Variants in NFIB observed in about 807,000 individuals in gnomAD.
The protein encoded by NFIB is nuclear factor I B.
Under a neutral mutation model 61.5 loss-of-function variants are expected in NFIB, and 11 were observed. The ratio of observed to expected loss-of-function variants is 0.18; its 90% CI spans 0.11 to 0.30. NFIB has a LOEUF of 0.30. Ranked by LOEUF, NFIB falls within the 10% of genes least tolerant of loss-of-function variation. The pLI, the probability that NFIB is intolerant of heterozygous loss-of-function variation, is 1.00. For missense variants in NFIB, 471 were observed against 608.9 expected (o/e 0.77, Z 2.38); for synonymous variants, 260 against 216.5 (o/e 1.20, Z -1.76).
chr9:14,192,730 C>T (rs527683471), intron 2 of NFIB, among the ~76,000 whole-genome samples: 1 of 152,250 alleles, frequency 6.6e-6, no homozygotes, highest in Non-Finnish European at 1.5e-5. Flanking sequence ...GCAGCTCCAG[C>T]TCAATTTGTG....
the NFIB span, among the ~76,000 whole-genome samples, chr9:14,522,956 A>C: frequency 6.6e-6 from 1 of 152,176 alleles, no homozygotes; most frequent in African/African-American, 2.4e-5. Context: ...CAAAAATAAT[A>C]ATCCACAATC....
At chr9:14,175,204 C>T (rs1188300802) in intron 3 of NFIB, among the ~76,000 whole-genome samples, 3 of 116,404 alleles carry the variant, frequency 2.6e-5, no homozygotes, top group Non-Finnish European at 1.6e-5. Context: ...GAGTCTCGCT[C>T]TGTTGTCCAG....
At chr9:14,400,940 C>T (rs916233982), upstream of NFIB, among the ~76,000 whole-genome samples, 3 of 152,210 alleles carry the variant, frequency 2.0e-5, no homozygotes, top group Non-Finnish European at 2.9e-5. Context: ...AATCAGCGAC[C>T]ACTCCTCGGG....
intron 2 of NFIB, among the ~76,000 whole-genome samples, chr9:14,220,183 A>G (rs995200685): frequency 2.0e-5 from 3 of 152,226 alleles, no homozygotes; most frequent in African/African-American, 4.8e-5. Context: ...AATTCTCTTC[A>G]TCAAGGATTA....
intron 2 of NFIB, among the ~76,000 whole-genome samples, chr9:14,224,212 G>C (rs2052066644): frequency 6.6e-6 from 1 of 152,182 alleles, no homozygotes; most frequent in African/African-American, 2.4e-5. Flanking sequence ...AGGCTACACA[G>C]AAAATTGTGC....
chr9:14,101,913 A>T (rs1260222115), intron 10 of NFIB, among the ~76,000 whole-genome samples: 4 of 152,186 alleles, frequency 2.6e-5, no homozygotes, highest in Admixed American at 2.6e-4. Context: ...TCCAAAATTT[A>T]TGGGTGCTGT....
intron 6 of NFIB, among the ~76,000 whole-genome samples, chr9:14,138,388 A>G (rs923148230): frequency 6.6e-6 from 1 of 152,170 alleles, no homozygotes; most frequent in Non-Finnish European, 1.5e-5. Context: ...TAGGCTAAAA[A>G]GAAGGTGAAA....
At chr9:14,125,567 T>A in intron 7 of NFIB, 65 bp downstream of exon 7, 32 of 1,589,790 alleles carry the variant, frequency 2.0e-5, no homozygotes, top group Non-Finnish European at 2.6e-5. Flanking sequence ...TTTTGCTCCG[T>A]CCCTAAGGGG....
chr9:14,405,399 A>T, the NFIB span, among the ~76,000 whole-genome samples: 1 of 152,362 alleles, frequency 6.6e-6, no homozygotes, highest in African/African-American at 2.4e-5. Flanking sequence ...TTGCCATAAC[A>T]AAAACCTAAA....
chr9:14,334,432 T>C (rs919541314), intron 1 of NFIB, among the ~76,000 whole-genome samples: 1 of 152,242 alleles, frequency 6.6e-6, no homozygotes, highest in Non-Finnish European at 1.5e-5. Flanking sequence ...TTCAAATGAC[T>C]GATGAGGCTG....
chr9:14,140,160 T>C (rs1218335049), intron 6 of NFIB, among the ~76,000 whole-genome samples: 1 of 152,182 alleles, frequency 6.6e-6, no homozygotes, highest in Non-Finnish European at 1.5e-5. Flanking sequence ...ATTGTTGGTG[T>C]TCTATTTGGT....
chr9:14,420,781 C>G, the NFIB span, among the ~76,000 whole-genome samples: 82 of 152,218 alleles, frequency 5.4e-4, no homozygotes, highest in African/African-American at 1.9e-3. Flanking sequence ...GACACAGTCC[C>G]GAAACTTCCT....
intron 2 of NFIB, among the ~76,000 whole-genome samples, chr9:14,281,389 TAACTC>T (rs1383912292): frequency 6.6e-6 from 1 of 152,148 alleles, no homozygotes; most frequent in Non-Finnish European, 1.5e-5. Flanking sequence ...GAGAGACACG[TAACTC>T]AAGCACTCTT....
At chr9:14,251,906 G>A (rs573213266) in intron 2 of NFIB, among the ~76,000 whole-genome samples, 3 of 152,312 alleles carry the variant, frequency 2.0e-5, no homozygotes, top group African/African-American at 4.8e-5. Flanking sequence ...TATATTACTC[G>A]AGGTTTAGTA....
intron 2 of NFIB, among the ~76,000 whole-genome samples, chr9:14,230,457 AG>A (rs2052984678): frequency 6.6e-6 from 1 of 152,232 alleles, no homozygotes; most frequent in Non-Finnish European, 1.5e-5. Flanking sequence ...TGGAATGTCA[AG>A]GAAGACTTCT....
chr9:14,350,526 T>C (rs574532829), intron 1 of NFIB, among the ~76,000 whole-genome samples: 166 of 151,122 alleles, frequency 1.1e-3, no homozygotes, highest in African/African-American at 3.5e-3. Flanking sequence ...GGGGGGGAAG[T>C]TGGGGGTCTT....
rs544171347 is a variant in NFIB, at chr9:14,292,285, C to T, written c.562+14704G>A. Among the ~76,000 whole-genome samples the T allele has an allele frequency of 1.8e-4, 27 of 152,148 alleles. No individual in the cohort carries two copies. In the South Asian group the frequency reaches 3.9e-3, roughly 22 times the overall value. ...GTGAGAAGATCTGTAGGGATTTTCC[C>T]GGCTCTAAAATTCTACAAGTTAAAG... On this transcript the variant is annotated intron_variant, in intron 2 of 10. Coordinates refer to ENST00000380953, the MANE Select transcript of NFIB (RefSeq NM_001190737.2).
intron 1 of NFIB, among the ~76,000 whole-genome samples, chr9:14,372,971 A>T (rs2061375679): frequency 6.6e-6 from 1 of 151,820 alleles, no homozygotes; most frequent in Non-Finnish European, 1.5e-5. Flanking sequence ...AGCATCCCTT[A>T]TACAGGGAAC....
intron 2 of NFIB, among the ~76,000 whole-genome samples, chr9:14,300,484 C>T (rs2059690742): frequency 6.6e-6 from 1 of 152,092 alleles, no homozygotes; most frequent in Non-Finnish European, 1.5e-5. Context: ...TTTCATAAAC[C>T]AAAGAGAAAC....
Sources: gnomAD v4.1 joint callset for allele counts (sites outside exome capture counted in the v4.1 genomes callset) on GRCh38, gnomAD v4.1.1 for gene constraint, MANE v1.5 for transcripts, NCBI Gene and HGNC (gene_info 2026-07-23, HGNC 2026-07-21) for gene names.